Variants in NRG3 observed in about 807,000 individuals in gnomAD.
The protein encoded by NRG3 is neuregulin 3, also known as pro-neuregulin-3, membrane-bound isoform.
A neutral mutation model predicts 66.9 loss-of-function variants in NRG3; 31 were observed. That is an observed-to-expected ratio of 0.46 (90% CI 0.35 to 0.63). The LOEUF (loss-of-function observed/expected upper bound fraction) is 0.63. Among genes scored for constraint, NRG3 ranks in the 20% least tolerant of loss-of-function variants. The probability of loss-of-function intolerance (pLI) is 0.00; values close to 1 mark genes in which losing one functional copy is unlikely to be tolerated. For missense variants in NRG3, 910 were observed against 878.9 expected (o/e 1.04, Z -0.45); for synonymous variants, 393 against 359.4 (o/e 1.09, Z -1.06).
intron 2 of NRG3, among the ~76,000 whole-genome samples, chr10:82,474,998 A>G (rs1841635660): frequency 6.6e-6 from 1 of 151,842 alleles, no homozygotes; most frequent in South Asian, 2.1e-4. Flanking sequence ...AAAAAGGAAG[A>G]AAAAAAACTT....
At chr10:82,182,811 C>G (rs1589238365) in intron 1 of NRG3, among the ~76,000 whole-genome samples, 1 of 151,872 alleles carries the variant, frequency 6.6e-6, no homozygotes, top group African/African-American at 2.4e-5. Flanking sequence ...TTTTGTAGGG[C>G]AGGTCTAGTG....
intron 8 of NRG3, among the ~76,000 whole-genome samples, chr10:82,980,727 G>A (rs954012976): frequency 4.6e-5 from 7 of 152,168 alleles, no homozygotes; most frequent in African/African-American, 1.7e-4. Context: ...CAAATGGACT[G>A]TAAAAGGCAT....
At chr10:82,711,355 G>A (rs1242520510) in intron 2 of NRG3, among the ~76,000 whole-genome samples, 2 of 152,162 alleles carry the variant, frequency 1.3e-5, no homozygotes, top group Admixed American at 6.5e-5. Flanking sequence ...CTAAAGTGCT[G>A]GGAGTACATG....
chr10:82,824,664 A>AT (rs539164443), intron 3 of NRG3, among the ~76,000 whole-genome samples: 13 of 146,666 alleles, frequency 8.9e-5, no homozygotes, highest in African/African-American at 3.0e-4. Context: ...CTGTTTGTAT[A>AT]TTTTTTTTGA....
At chr10:82,266,398 T>G (rs1208519149) in intron 1 of NRG3, among the ~76,000 whole-genome samples, 1 of 152,100 alleles carries the variant, frequency 6.6e-6, no homozygotes, top group East Asian at 1.9e-4. Context: ...GGCTACAGCG[T>G]GCAGAGTCCA....
chr10:82,096,714 G>A lies in NRG3; in HGVS notation c.823+220551G>A, dbSNP rs187008667. Reference sequence around the variant, plus strand: ...ATTGACTTATTGATATGGAAGACAGGCATATATAACCACAGCCAATGAACA... The same window carrying A: ...ATTGACTTATTGATATGGAAGACAGACATATATAACCACAGCCAATGAACA... On this transcript the variant is annotated intron_variant, in intron 1 of 8. Coordinates refer to ENST00000372141, the MANE Select transcript of NRG3 (RefSeq NM_001010848.4). Among the ~76,000 whole-genome samples the A allele has an allele frequency of 1.2e-3, 183 of 152,094 alleles. 1 individual carries two copies. Among genetic ancestry groups the A allele is most frequent in the African/African-American group, 4.2e-3 (174 of 41,490 alleles).
intron 2 of NRG3, among the ~76,000 whole-genome samples, chr10:82,668,888 T>A (rs1339402884): frequency 1.3e-5 from 2 of 152,090 alleles, no homozygotes; most frequent in African/African-American, 4.8e-5. Context: ...CTGGTGGGAG[T>A]TTAGCCTCAT....
At chr10:82,415,371 A>T (rs988642495) in intron 2 of NRG3, among the ~76,000 whole-genome samples, 2 of 152,188 alleles carry the variant, frequency 1.3e-5, no homozygotes, top group African/African-American at 4.8e-5. Flanking sequence ...CTGTTGCAGC[A>T]TTACGATGTA....
chr10:82,454,840 A>G (rs2091198012), intron 2 of NRG3, among the ~76,000 whole-genome samples: 1 of 152,248 alleles, frequency 6.6e-6, no homozygotes, highest in Admixed American at 6.5e-5. Flanking sequence ...GGAAATCTGT[A>G]CATCAAAAAG....
intron 1 of NRG3, among the ~76,000 whole-genome samples, chr10:82,297,917 G>A (rs897061288): frequency 1.6e-4 from 24 of 152,122 alleles, no homozygotes; most frequent in Admixed American, 1.3e-3. Flanking sequence ...CAAGACAGGC[G>A]AATTGCTTGA....
chr10:82,379,734 T>C (rs1390418849), intron 2 of NRG3, among the ~76,000 whole-genome samples: 2 of 152,032 alleles, frequency 1.3e-5, no homozygotes, highest in East Asian at 3.9e-4. Flanking sequence ...TATATTACAT[T>C]TGAAGCTCAA....
At chr10:82,250,206 C>G (rs1009084498) in intron 1 of NRG3, among the ~76,000 whole-genome samples, 6 of 151,954 alleles carry the variant, frequency 3.9e-5, no homozygotes, top group Non-Finnish European at 7.4e-5. Context: ...CTAAAATATG[C>G]CACAAAAATT....
At chr10:82,704,075 T>C (rs941852911) in intron 2 of NRG3, among the ~76,000 whole-genome samples, 4 of 152,082 alleles carry the variant, frequency 2.6e-5, no homozygotes, top group African/African-American at 9.7e-5. Flanking sequence ...TTAAATGTGG[T>C]ATAGAAAAAA....
At chr10:82,785,139 A>G (rs184984544) in intron 3 of NRG3, among the ~76,000 whole-genome samples, 2,754 of 149,012 alleles carry the variant, frequency 0.018, 49 homozygotes, top group Middle Eastern at 0.075. Context: ...TCACTCATAG[A>G]TGGGAATTGA....
At chr10:82,131,865 ATG>A (rs1462326405) in intron 1 of NRG3, among the ~76,000 whole-genome samples, 1 of 151,928 alleles carries the variant, frequency 6.6e-6, no homozygotes, top group Admixed American at 6.6e-5. Context: ...AATGCTATTG[ATG>A]TGTGTATGTT....
intron 1 of NRG3, among the ~76,000 whole-genome samples, chr10:81,891,399 A>T (rs563455528): frequency 6.6e-6 from 1 of 152,158 alleles, no homozygotes; most frequent in Admixed American, 6.5e-5. Context: ...AAGGTATTTA[A>T]GCATGGACTC....
rs150221690 is a variant in NRG3, at chr10:82,892,469, A to G, written c.1054+27032A>G. Among the ~76,000 whole-genome samples the G allele has an allele frequency of 7.4e-3, 1,124 of 152,254 alleles. 14 individuals carry two copies. Among genetic ancestry groups the G allele is most frequent in the African/African-American group, 0.022 (906 of 41,546 alleles). ...GCTTGAAGCCCAGGAGTTCAAGACC[A>G]GCCTGAGAAATATAGCAAGACACTA... On this transcript the variant is annotated intron_variant, in intron 4 of 8. Coordinates refer to ENST00000372141, the MANE Select transcript of NRG3 (RefSeq NM_001010848.4).
At position 82,211,162 on chromosome 10, in the gene NRG3, T is replaced by G. The variant is rs528967098; in HGVS notation, c.824-147577T>G. On this transcript the variant is annotated intron_variant, in intron 1 of 8. Coordinates refer to ENST00000372141, the MANE Select transcript of NRG3 (RefSeq NM_001010848.4). ...AATAAGAACCTTCTAAAATGCAACC[T>G]TAGGCATCTTTTCAAAGTCTCATTT... 2.0e-4 allele frequency among the ~76,000 whole-genome samples: 30 copies of G among 152,268 alleles called. 1 individual carries two copies. In the South Asian group the frequency reaches 6.2e-3, roughly 32 times the overall value.
chr10:81,902,511 G>C (rs1370393009), intron 1 of NRG3, among the ~76,000 whole-genome samples: 1 of 152,260 alleles, frequency 6.6e-6, no homozygotes, highest in East Asian at 1.9e-4. Context: ...CTCTGCTCTT[G>C]GGCATTTGAG....
Sources: gnomAD v4.1 joint callset for allele counts (sites outside exome capture counted in the v4.1 genomes callset) on GRCh38, gnomAD v4.1.1 for gene constraint, MANE v1.5 for transcripts, NCBI Gene and HGNC (gene_info 2026-07-23, HGNC 2026-07-21) for gene names.